Variants in AMT observed in about 807,000 individuals in gnomAD.
The protein encoded by AMT is aminomethyltransferase, mitochondrial.
Under a neutral mutation model 39.5 loss-of-function variants are expected in AMT, and 24 were observed. The observed-to-expected ratio is 0.61, with a 90% CI of 0.44 to 0.86. The LOEUF is 0.86. Among genes scored for constraint, AMT ranks in the 40% least tolerant of loss-of-function variants. The probability of loss-of-function intolerance (pLI) is 0.00; values close to 1 mark genes in which losing one functional copy is unlikely to be tolerated. For missense variants in AMT, 501 were observed against 537.0 expected, an observed-to-expected ratio of 0.93 and a Z score of 0.66; for synonymous variants, 210 against 212.1, an observed-to-expected ratio of 0.99 and a Z score of 0.09.
Position 49,419,797 on chromosome 3 carries a change from C to T in AMT, c.472-9G>A. On this transcript the variant is annotated splice_polypyrimidine_tract_variant and intron_variant, in intron 4 of 8. Coordinates refer to ENST00000273588, the MANE Select transcript of AMT (RefSeq NM_000481.4). Reference sequence around the variant, plus strand: ...AGCTCCCTGACCTTGTCCTAAAAGACAGAAACACAAGAGCATCTGGGGCCA... The same window carrying T: ...AGCTCCCTGACCTTGTCCTAAAAGATAGAAACACAAGAGCATCTGGGGCCA... 2 of 1,613,966 alleles carry T rather than the reference C, an allele frequency of 1.2e-6. No individual in the cohort carries two copies. Among genetic ancestry groups the T allele is most frequent in the Non-Finnish European group, 8.5e-7 (1 of 1,179,932 alleles).
chr3:49,418,699 G>T, intron 7 of AMT: 1 of 421,290 alleles, frequency 2.4e-6, no homozygotes, highest in Non-Finnish European at 4.4e-6. Context: ...TAGAGACGGG[G>T]TTTCACCATG....
chr3:49,417,644 T>C lies in AMT; in HGVS notation c.1108A>G (p.Ser370Gly). Reference protein sequence around the residue: ...VAMGYVPCEYSRPGTMLLVEV... With the variant: ...VAMGYVPCEYGRPGTMLLVEV... ...ACCAGCAGCATTGTCCCTGGACGAC[T>C]GTACTCGCAGGGCACATAACCCATC... is the stretch of plus-strand genomic sequence containing the variant. Residue 370 changes from serine to glycine, a missense_variant, in exon 9 of 9, where the codon AGT (serine) becomes GGT (glycine). Physicochemically the swap from Ser to Gly is moderately conservative, Grantham distance 56. Transcript: ENST00000273588. The C allele has an allele frequency of 1.9e-6, 3 of 1,614,108 alleles. No homozygotes were observed. In the South Asian group the frequency reaches 3.3e-5, roughly 18 times the overall value.
intron 3 of AMT, chr3:49,420,819 C>T: frequency 4.5e-6 from 1 of 220,208 alleles, no homozygotes; most frequent in Non-Finnish European, 9.3e-6. Context: ...GAGGGGGTCA[C>T]ATGAATCACC....
chr3:49,420,595 T>G (rs1455477178), intron 3 of AMT: 1 of 503,060 alleles, frequency 2.0e-6, no homozygotes, highest in Non-Finnish European at 3.6e-6. Flanking sequence ...CTCCCCACTC[T>G]GTACTGAGAG....
At chr3:49,417,996 T>G in intron 7 of AMT, 23 bp from the exon 8 acceptor site, 1 of 1,593,076 alleles carries the variant, frequency 6.3e-7, no homozygotes, top group Non-Finnish European at 8.5e-7. Context: ...ACATGAGACA[T>G]AAGCCACAGC....
chr3:49,417,357 C>T lies in AMT; in HGVS notation c.*183G>A. On this transcript the variant is annotated 3_prime_UTR_variant, in exon 9 of 9. Coordinates refer to ENST00000273588, the MANE Select transcript of AMT (RefSeq NM_000481.4). ...CTGGTCCGTCACTCAGAAGCAGGGT[C>T]CTGAAGGAAGCTGGAATGGCATGAG... 3 of 1,598,206 alleles carry T rather than the reference C, an allele frequency of 1.9e-6. No homozygotes were observed. The highest frequency in any genetic ancestry group is 2.5e-6 in the Non-Finnish European group (3 of 1,177,004).
Position 49,422,154 on chromosome 3 carries a change from G to T in AMT, c.208C>A (p.Leu70Met). The change falls in exon 2 of 9, where the codon CTG (leucine) becomes ATG (methionine). Residue 70 changes from leucine (L) to methionine (M), a missense_variant. Physicochemically the swap from Leu to Met is conservative, Grantham distance 15. Transcript: ENST00000273588. Reference sequence around the variant, plus strand: ...AGCGAGCAGTGCTGGCGTGTGTGCAGGTGCGAGTCAGTGTGACTGTCCCGG... The same window carrying T: ...AGCGAGCAGTGCTGGCGTGTGTGCATGTGCGAGTCAGTGTGACTGTCCCGG... ...QYRDSHTDSH[L>M]HTRQHCSLFD... 1.9e-6 allele frequency: 3 copies of T among 1,613,894 alleles called. No homozygotes were observed. Among genetic ancestry groups the T allele is most frequent in the Non-Finnish European group, 2.5e-6 (3 of 1,180,036 alleles).
intron 4 of AMT, 178 bp downstream of exon 4, chr3:49,420,033 C>A: frequency 2.2e-6 from 2 of 909,584 alleles, no homozygotes; most frequent in East Asian, 2.6e-5. Context: ...CCTGGTAATC[C>A]CCCACCACCA....
chr3:49,418,224 C>T (rs1336259763), intron 7 of AMT: 16 of 534,424 alleles, frequency 3.0e-5, no homozygotes, highest in Non-Finnish European at 5.4e-5. Flanking sequence ...CTCTGTCGCC[C>T]AGGCCTAGAA....
chr3:49,419,561 G>A, intron 5 of AMT, 149 bp downstream of exon 5: 1 of 1,436,176 alleles, frequency 7.0e-7, no homozygotes, highest in Non-Finnish European at 9.8e-7. Context: ...CCTTGTGGTA[G>A]GTAGGAGGAG....
chr3:49,416,991 C>CT lies in AMT; in HGVS notation c.*548dup, dbSNP rs1285176991. 11 of 495,278 alleles carry CT rather than the reference C, an allele frequency of 2.2e-5. No homozygotes were observed. In the East Asian group the frequency reaches 6.2e-4, roughly 28 times the overall value. 30.7% of individuals were successfully genotyped at this position (495,278 alleles called of 1,614,324 possible). A position where few individuals can be genotyped will look rare whatever the true frequency, so the allele number is the denominator to read the frequency against. On this transcript the variant is annotated 3_prime_UTR_variant, in exon 9 of 9. Transcript: ENST00000273588. ...AACTTGGGAATGTGGAAGAGTGAGT[C>CT]TATGTTCCCTCAGCCATCCCCAAGT...
At position 49,420,329 on chromosome 3, in the gene AMT, A is replaced by G. The variant is rs767478366; in HGVS notation, c.353T>C (p.Leu118Pro). 2 of 1,614,176 alleles carry G rather than the reference A, an allele frequency of 1.2e-6. No individual in the cohort carries two copies. Among genetic ancestry groups the G allele is most frequent in the Non-Finnish European group, 1.7e-6 (2 of 1,180,024 alleles). ...ELRPNQGTLS[L>P]FTNEAGGILD... ...GATGCCTCCAGCCTCGTTGGTAAACAGCGACAGTGTCCCCTAGGACCAAAG... is the reference window on the plus strand; with the variant it reads ...GATGCCTCCAGCCTCGTTGGTAAACGGCGACAGTGTCCCCTAGGACCAAAG... Residue 118 changes from leucine (L) to proline (P), a missense_variant, in exon 4 of 9, where the codon CTG (leucine) becomes CCG (proline). Transcript: ENST00000273588.
intron 8 of AMT, 35 bp from the exon 9 acceptor site, chr3:49,417,753 C>G: frequency 6.2e-7 from 1 of 1,614,066 alleles, no homozygotes; most frequent in Non-Finnish European, 8.5e-7. Flanking sequence ...ATCAGCACCA[C>G]CCTGCCAGTG....
chr3:49,421,970 C>A, intron 2 of AMT, 134 bp downstream of exon 2: 1 of 1,277,906 alleles, frequency 7.8e-7, no homozygotes, highest in Non-Finnish European at 1.1e-6. Flanking sequence ...CTATCCATGA[C>A]ACCCCCATGA....
intron 7 of AMT, 86 bp downstream of exon 7, chr3:49,418,885 C>A (rs922342860): frequency 2.1e-6 from 3 of 1,452,674 alleles, no homozygotes; most frequent in South Asian, 2.3e-5. Context: ...GGCTACATAA[C>A]CTTTGGATGA....
Position 49,422,216 on chromosome 3 carries a change from A to G in AMT, c.146T>C (p.Met49Thr). Reference protein sequence around the residue: ...YDFHLAHGGKMVAFAGWSLPV... With the variant: ...YDFHLAHGGKTVAFAGWSLPV... Reference sequence around the variant, plus strand: ...CAGACTCCAACCCGCAAACGCCACCATTTTCCCGCCGTGGGCCAGGTGGAA... The same window carrying G: ...CAGACTCCAACCCGCAAACGCCACCGTTTTCCCGCCGTGGGCCAGGTGGAA... The change falls in exon 2 of 9, where the codon ATG becomes ACG. Residue 49 changes from methionine to threonine, a missense_variant. Coordinates refer to ENST00000273588, the MANE Select transcript of AMT (RefSeq NM_000481.4). 6.2e-7 allele frequency: 1 copy of G among 1,613,728 alleles called. No individual in the cohort carries two copies. The highest frequency in any genetic ancestry group is 8.5e-7 in the Non-Finnish European group (1 of 1,179,944).
At position 49,420,281 on chromosome 3, in the gene AMT, T is replaced by C. The variant is rs776832405; in HGVS notation, c.401A>G (p.Asn134Ser). 2.2e-5 allele frequency: 36 copies of C among 1,614,084 alleles called. No homozygotes were observed. The highest frequency in any genetic ancestry group is 1.6e-4 in the Middle Eastern group (1 of 6,084). ...CACATACAGGTGGCCCTCAGAAGTATTGGTTACAATCAAGTCATCTAAGAT... is the reference window on the plus strand; with the variant it reads ...CACATACAGGTGGCCCTCAGAAGTACTGGTTACAATCAAGTCATCTAAGAT... ...GGILDDLIVT[N>S]TSEGHLYVVS... The change falls in exon 4 of 9, where the codon AAT becomes AGT. Residue 134 changes from asparagine to serine, a missense_variant. By Grantham distance (46) the Asn-to-Ser change is conservative. Coordinates refer to ENST00000273588, the MANE Select transcript of AMT (RefSeq NM_000481.4).
intron 2 of AMT, 119 bp from the exon 3 acceptor site, chr3:49,421,691 C>G: frequency 1.1e-6 from 1 of 909,518 alleles, no homozygotes; most frequent in Non-Finnish European, 1.8e-6. Flanking sequence ...AAGTGACTAA[C>G]CAGTCTTTTG....
chr3:49,421,781 T>C, intron 2 of AMT: 1 of 672,888 alleles, frequency 1.5e-6, no homozygotes, highest in Non-Finnish European at 2.7e-6. Flanking sequence ...GCCAGGGAAC[T>C]GGACAGGACC....
Sources: gnomAD v4.1 joint callset for allele counts on GRCh38, gnomAD v4.1.1 for gene constraint, MANE v1.5 for transcripts, NCBI Gene and HGNC (gene_info 2026-07-23, HGNC 2026-07-21) for gene names.